The following CCDC91 variants were observed in gnomAD, a reference collection of about 807,000 sequenced individuals.
CCDC91 encodes coiled-coil domain-containing protein 91.
CCDC91 carries 48 observed loss-of-function variants against 63.2 expected under a neutral mutation model. The ratio of observed to expected loss-of-function variants is 0.76; its 90% CI spans 0.60 to 0.97. The LOEUF is 0.97. Ranked by LOEUF, CCDC91 falls within the 50% of genes least tolerant of loss-of-function variation. CCDC91 has a pLI of 0.00. For missense variants in CCDC91, 500 were observed against 494.6 expected, an observed-to-expected ratio of 1.01 and a Z score of -0.10; for synonymous variants, 167 against 165.8, an observed-to-expected ratio of 1.01 and a Z score of -0.06.
At chr12:28,283,332 C>T (rs1246821380) in intron 3 of CCDC91, among the ~76,000 whole-genome samples, 2 of 151,600 alleles carry the variant, frequency 1.3e-5, no homozygotes, top group Non-Finnish European at 2.9e-5. Flanking sequence ...TTGATTCTTC[C>T]TATCCATGAA....
chr12:28,330,951 A>G (rs1941451820), intron 6 of CCDC91, among the ~76,000 whole-genome samples: 1 of 152,234 alleles, frequency 6.6e-6, no homozygotes, highest in Non-Finnish European at 1.5e-5. Context: ...AGAGATTGTC[A>G]TCACAAGTAA....
At chr12:28,388,876 A>G (rs780980355) in intron 7 of CCDC91, among the ~76,000 whole-genome samples, 12 of 152,318 alleles carry the variant, frequency 7.9e-5, no homozygotes, top group African/African-American at 1.2e-4. Context: ...TCAAGGACTT[A>G]AATCTAAGAC....
At chr12:28,472,177 GAAGA>G (rs1950853997) in intron 11 of CCDC91, among the ~76,000 whole-genome samples, 1 of 152,160 alleles carries the variant, frequency 6.6e-6, no homozygotes, top group African/African-American at 2.4e-5. Context: ...ACCACAGAAG[GAAGA>G]GACAAGCACT....
At chr12:28,351,137 A>T (rs771685164) in intron 6 of CCDC91, among the ~76,000 whole-genome samples, 2 of 152,154 alleles carry the variant, frequency 1.3e-5, no homozygotes, top group Non-Finnish European at 2.9e-5. Flanking sequence ...TGAAAATCTC[A>T]TCCAAATAAC....
At chr12:28,541,177 A>T (rs932056873) in intron 12 of CCDC91, among the ~76,000 whole-genome samples, 3 of 152,202 alleles carry the variant, frequency 2.0e-5, no homozygotes, top group African/African-American at 7.2e-5. Flanking sequence ...AATACAGCAC[A>T]TAAAGAGGTC....
chr12:28,253,522 G>A (rs1232526177), intron 1 of CCDC91, among the ~76,000 whole-genome samples: 1 of 152,108 alleles, frequency 6.6e-6, no homozygotes, highest in Non-Finnish European at 1.5e-5. Flanking sequence ...TTAATTTTGA[G>A]TTTCGGTTTT....
At chr12:28,334,147 C>CGA (rs1941741853) in intron 6 of CCDC91, among the ~76,000 whole-genome samples, 1 of 151,886 alleles carries the variant, frequency 6.6e-6, no homozygotes, top group Non-Finnish European at 1.5e-5. Context: ...TGTTAGAAGT[C>CGA]TAACAGCTTG....
At chr12:28,452,354 C>T (rs1033473575) in intron 10 of CCDC91, 124 bp from the exon 11 acceptor site, 5 of 534,844 alleles carry the variant, frequency 9.3e-6, no homozygotes, top group Admixed American at 6.8e-5. Flanking sequence ...TGCATAAAAA[C>T]AGCAATGTTA....
chr12:28,432,381 C>T (rs1364409652), intron 8 of CCDC91, among the ~76,000 whole-genome samples: 19 of 151,986 alleles, frequency 1.3e-4, no homozygotes, highest in Admixed American at 1.2e-3. Context: ...GGGCAGTTTC[C>T]CCATGCTGTT....
intron 6 of CCDC91, 42 bp downstream of exon 6, chr12:28,307,791 A>G: frequency 9.9e-7 from 1 of 1,009,588 alleles, no homozygotes; most frequent in East Asian, 2.4e-5. Context: ...AAGCCTTTTG[A>G]TGAAGCATGT....
At chr12:28,406,281 A>T (rs1946937667) in intron 8 of CCDC91, among the ~76,000 whole-genome samples, 1 of 148,148 alleles carries the variant, frequency 6.8e-6, no homozygotes, top group African/African-American at 2.6e-5. Flanking sequence ...TTCCAATAAA[A>T]AAAAAAAAAA....
chr12:28,518,907 G>A (rs1940262111), intron 12 of CCDC91, among the ~76,000 whole-genome samples: 2 of 151,792 alleles, frequency 1.3e-5, no homozygotes, highest in Non-Finnish European at 2.9e-5. Context: ...TGTTGAATAG[G>A]GCGTCTTTTC....
intron 12 of CCDC91, among the ~76,000 whole-genome samples, chr12:28,543,187 C>G (rs1057370179): frequency 1.3e-5 from 2 of 152,084 alleles, no homozygotes; most frequent in African/African-American, 4.8e-5. Context: ...CCAGTAAGAG[C>G]CCATCTCAGT....
chr12:28,438,365 C>T (rs1949016767), intron 8 of CCDC91, among the ~76,000 whole-genome samples: 1 of 152,068 alleles, frequency 6.6e-6, no homozygotes, highest in African/African-American at 2.4e-5. Context: ...TTTGTCTGCT[C>T]AAGAGGACAT....
intron 12 of CCDC91, among the ~76,000 whole-genome samples, chr12:28,544,631 C>T (rs949848547): frequency 6.6e-6 from 1 of 151,980 alleles, no homozygotes; most frequent in Admixed American, 6.6e-5. Context: ...CATACACATA[C>T]ACACATATAT....
chr12:28,248,489 G>A (rs1945910839), intron 1 of CCDC91, among the ~76,000 whole-genome samples: 1 of 152,166 alleles, frequency 6.6e-6, no homozygotes. Flanking sequence ...TTAAAGGATA[G>A]GTAGAAGAAC....
intron 8 of CCDC91, among the ~76,000 whole-genome samples, chr12:28,399,917 G>T (rs1411610140): frequency 1.3e-5 from 2 of 152,202 alleles, no homozygotes; most frequent in Non-Finnish European, 2.9e-5. Flanking sequence ...CAGGCATTGA[G>T]TGTGGCTTTT....
intron 8 of CCDC91, among the ~76,000 whole-genome samples, chr12:28,433,804 A>G (rs1948755339): frequency 6.6e-6 from 1 of 151,960 alleles, no homozygotes; most frequent in African/African-American, 2.4e-5. Context: ...AAGAACTGAC[A>G]TCTTGACAAT....
At position 28,527,525 on chromosome 12, in the gene CCDC91, T is replaced by A. The variant is rs184663402; in HGVS notation, c.1216-21538T>A. 2.0e-3 allele frequency among the ~76,000 whole-genome samples: 309 copies of A among 152,318 alleles called. 7 individuals are homozygous for A. The highest frequency in any genetic ancestry group is 1.2e-4 in the Non-Finnish European group (8 of 68,026). ...GCAGTGGCAGGGGAGTGAAATGGACTCTGAGTGTTCTTAGCTTTGGTTGAT... is the reference window on the plus strand; with the variant it reads ...GCAGTGGCAGGGGAGTGAAATGGACACTGAGTGTTCTTAGCTTTGGTTGAT... On this transcript the variant is annotated intron_variant, in intron 12 of 12. Coordinates refer to ENST00000536442, the MANE Select transcript of CCDC91 (RefSeq NM_018318.5).
Sources: gnomAD v4.1 joint callset for allele counts (sites outside exome capture counted in the v4.1 genomes callset) on GRCh38, gnomAD v4.1.1 for gene constraint, MANE v1.5 for transcripts, NCBI Gene and HGNC (gene_info 2026-07-23, HGNC 2026-07-21) for gene names.